Variants in TIMM23 observed in about 807,000 individuals in gnomAD.
TIMM23 encodes mitochondrial import inner membrane translocase subunit Tim23.
In TIMM23, 19 loss-of-function variants were observed where a neutral mutation model predicts 30.7. That is an observed-to-expected ratio of 0.62 (90% CI 0.43 to 0.91). TIMM23 has a LOEUF of 0.91. Ranked by LOEUF, TIMM23 falls within the 40% of genes least tolerant of loss-of-function variation. The pLI, the probability that TIMM23 is intolerant of heterozygous loss-of-function variation, is 0.00. For missense variants in TIMM23, 202 were observed against 269.2 expected, an observed-to-expected ratio of 0.75 and a Z score of 1.75; for synonymous variants, 78 against 98.5, an observed-to-expected ratio of 0.79 and a Z score of 1.23.
At chr10:46,000,389 C>T (rs1838491350) in intron 6 of TIMM23, among the ~76,000 whole-genome samples, 1 of 152,136 alleles carries the variant, frequency 6.6e-6, no homozygotes, top group African/African-American at 2.4e-5. Context: ...GTTTGGGGTC[C>T]CTGACTTCCC....
At chr10:45,983,225 A>G (rs1379355897) in intron 4 of TIMM23, among the ~76,000 whole-genome samples, 17 of 152,082 alleles carry the variant, frequency 1.1e-4, no homozygotes, top group Admixed American at 1.3e-4. Flanking sequence ...TGCTTTTCAA[A>G]TTGTTGAGTT....
At chr10:45,992,461 GA>G in intron 6 of TIMM23, 2 of 455,818 alleles carry the variant, frequency 4.4e-6, no homozygotes, top group South Asian at 3.1e-5. Flanking sequence ...CTCCTTAGGA[GA>G]ATTGTGAAAC....
intron 6 of TIMM23, among the ~76,000 whole-genome samples, chr10:45,990,154 T>A (rs1838116405): frequency 6.7e-6 from 1 of 150,164 alleles, no homozygotes; most frequent in African/African-American, 2.4e-5. Context: ...AGACGGAGTC[T>A]AGGTGTCACC....
chr10:45,988,602 A>T, intron 5 of TIMM23, 135 bp from the exon 6 acceptor site: 1 of 674,100 alleles, frequency 1.5e-6, no homozygotes, highest in Non-Finnish European at 2.7e-6. Flanking sequence ...TACCTTAACA[A>T]GTGATTGTTT....
At chr10:45,994,597 G>A (rs1838271637) in intron 6 of TIMM23, among the ~76,000 whole-genome samples, 1 of 120,824 alleles carries the variant, frequency 8.3e-6, no homozygotes, top group Non-Finnish European at 1.7e-5. Flanking sequence ...ACGCCACCAT[G>A]CCTGGCTAAT....
At position 45,984,307 on chromosome 10, in the gene TIMM23, C is replaced by A. The variant is rs1345948675; in HGVS notation, c.345-1076C>A. ...CTCCCATCTTATTTTGAGACAAAAA[C>A]CCCAATATCATATTAAATACAAATT... On this transcript the variant is annotated intron_variant, in intron 4 of 6. Coordinates refer to ENST00000580018, the MANE Select transcript of TIMM23 (RefSeq NM_006327.4). Among the ~76,000 whole-genome samples, 42 of 152,186 alleles carry A rather than the reference C, an allele frequency of 2.8e-4. No individual in the cohort carries two copies. In the East Asian group the frequency reaches 5.6e-3, roughly 20 times the overall value.
At position 45,982,651 on chromosome 10, in the gene TIMM23, A is replaced by G. The variant is rs1452286900; in HGVS notation, c.259+35A>G. 4.7e-5 allele frequency: 76 copies of G among 1,612,550 alleles called. No homozygotes were observed. The African/African-American group carries it at 6.9e-4, about 15-fold the overall frequency. On this transcript the variant is annotated intron_variant, in intron 3 of 6. Transcript: ENST00000580018. ...ACATACTTTTTTCTCAAGAGTGCTC[A>G]GTTCAAGTAGTTGAGGGTGCGTAAA...
chr10:45,973,228 G>A (rs1837552333), intron 1 of TIMM23, among the ~76,000 whole-genome samples: 1 of 152,210 alleles, frequency 6.6e-6, no homozygotes, highest in Admixed American at 6.5e-5. Flanking sequence ...GAGCTAGGAA[G>A]TAAGCTGAAC....
intron 3 of TIMM23, 104 bp downstream of exon 3, chr10:45,982,720 T>C: frequency 1.3e-6 from 2 of 1,553,326 alleles, no homozygotes; most frequent in South Asian, 2.4e-5. Flanking sequence ...TTTTTTTTAA[T>C]ATTTACATTT....
At chr10:45,990,007 A>AT (rs1313553735) in intron 6 of TIMM23, among the ~76,000 whole-genome samples, 1 of 151,938 alleles carries the variant, frequency 6.6e-6, no homozygotes, top group Non-Finnish European at 1.5e-5. Flanking sequence ...CACATACATG[A>AT]TTTTTTAAGT....
At chr10:45,983,528 G>A (rs1837907105) in intron 4 of TIMM23, among the ~76,000 whole-genome samples, 1 of 152,194 alleles carries the variant, frequency 6.6e-6, no homozygotes, top group South Asian at 2.1e-4. Flanking sequence ...AACTTAAGAA[G>A]TAAACATGGC....
intron 6 of TIMM23, among the ~76,000 whole-genome samples, chr10:45,997,918 A>G (rs1213402889): frequency 1.3e-5 from 2 of 152,230 alleles, no homozygotes; most frequent in Admixed American, 6.5e-5. Flanking sequence ...TTTATGTTAC[A>G]TGTATTGTAC....
intron 4 of TIMM23, among the ~76,000 whole-genome samples, chr10:45,983,951 T>C (rs1170032562): frequency 1.3e-5 from 2 of 152,152 alleles, no homozygotes; most frequent in Non-Finnish European, 1.5e-5. Context: ...ACTGTATTGC[T>C]CAGGCTGTTC....
intron 6 of TIMM23, among the ~76,000 whole-genome samples, chr10:45,990,083 A>G (rs1590122680): frequency 6.7e-6 from 1 of 149,668 alleles, no homozygotes. Context: ...TATACGTCTC[A>G]CCTTAATTCC....
intron 6 of TIMM23, among the ~76,000 whole-genome samples, chr10:45,999,204 G>A (rs1423234929): frequency 4.0e-5 from 6 of 151,106 alleles, no homozygotes; most frequent in African/African-American, 9.7e-5. Flanking sequence ...ACAGTGGCAC[G>A]ATCTTGGCTC....
chr10:45,996,943 C>T (rs782269889), intron 6 of TIMM23, among the ~76,000 whole-genome samples: 56 of 130,854 alleles, frequency 4.3e-4, no homozygotes, highest in Non-Finnish European at 6.8e-4. Flanking sequence ...TTAGCCTGGA[C>T]GACAGAGTGA....
chr10:45,984,230 G>A lies in TIMM23; in HGVS notation c.345-1153G>A, dbSNP rs1383742561. On this transcript the variant is annotated intron_variant, in intron 4 of 6. Transcript: ENST00000580018. ...GCATAGTGAACACATGAACCATAAC[G>A]CATCCTCAACAACCATCAACCATGG... 1.2e-3 allele frequency among the ~76,000 whole-genome samples: 186 copies of A among 152,114 alleles called. 1 individual carries two copies. The Middle Eastern group carries it at 0.014, about 11-fold the overall frequency.
At chr10:45,997,079 A>C in intron 6 of TIMM23, among the ~76,000 whole-genome samples, 1 of 151,992 alleles carries the variant, frequency 6.6e-6, no homozygotes, top group Non-Finnish European at 1.5e-5. Context: ...CTAAAAATAC[A>C]AAAAATGAGC....
Position 45,973,644 on chromosome 10 carries a change from T to C in TIMM23, c.106+914T>C, listed in dbSNP as rs1380321931. On this transcript the variant is annotated intron_variant, in intron 1 of 6. Coordinates refer to ENST00000580018, the MANE Select transcript of TIMM23 (RefSeq NM_006327.4). ...AACACATGGTGTTTTGTTTCGTTTT[T>C]TTGTTTGTTTGTTTTTAGAGTCAGG... Among the ~76,000 whole-genome samples, 48 of 152,010 alleles carry C rather than the reference T, an allele frequency of 3.2e-4. No individual in the cohort carries two copies. In the South Asian group the frequency reaches 4.8e-3, roughly 15 times the overall value.
Sources: gnomAD v4.1 joint callset for allele counts (sites outside exome capture counted in the v4.1 genomes callset) on GRCh38, gnomAD v4.1.1 for gene constraint, MANE v1.5 for transcripts, NCBI Gene and HGNC (gene_info 2026-07-23, HGNC 2026-07-21) for gene names.